Variants in DNTT observed in about 807,000 individuals in gnomAD.
DNTT encodes the protein DNA nucleotidylexotransferase.
DNTT carries 47 observed loss-of-function variants against 60.9 expected under a neutral mutation model. That is an observed-to-expected ratio of 0.77 (90% CI 0.61 to 0.98). The LOEUF is 0.98. Among genes scored for constraint, DNTT ranks in the 50% least tolerant of loss-of-function variants. The pLI is 0.00. For synonymous variants in DNTT, 224 were observed against 221.2 expected, an observed-to-expected ratio of 1.01 and a Z score of -0.11; for missense variants, 665 against 627.5, an observed-to-expected ratio of 1.06 and a Z score of -0.64.
At chr10:96,322,782 C>G in intron 5 of DNTT, 54 bp downstream of exon 5, 1 of 1,431,306 alleles carries the variant, frequency 7.0e-7, no homozygotes, top group Non-Finnish European at 9.6e-7. Context: ...AATCTTATTA[C>G]TTATTCTGGC....
chr10:96,318,372 T>C lies in DNTT; in HGVS notation c.224T>C (p.Val75Ala), dbSNP rs1449190401. 6.2e-7 allele frequency: 1 copy of C among 1,613,334 alleles called. No homozygotes were observed. The highest frequency in any genetic ancestry group is 2.2e-5 in the East Asian group (1 of 44,876). ...TGCAGTGATTCTGTCACCCACATCG[T>C]AGCAGAGAACAACTCGGGTTCGGAT... ...NELSDSVTHI[V>A]AENNSGSDVL... Residue 75 changes from valine (V) to alanine (A), a missense_variant, in exon 2 of 11, where the codon GTA becomes GCA. By Grantham distance (64) the Val-to-Ala change is moderately conservative. Coordinates refer to ENST00000371174, the MANE Select transcript of DNTT (RefSeq NM_004088.4).
intron 6 of DNTT, among the ~76,000 whole-genome samples, chr10:96,325,454 A>G (rs1844928109): frequency 2.0e-5 from 3 of 152,240 alleles, no homozygotes; most frequent in Admixed American, 2.0e-4. Flanking sequence ...TGATGAGTAA[A>G]GACTCTCAAT....
intron 1 of DNTT, among the ~76,000 whole-genome samples, chr10:96,314,401 C>CTTTTTTTT (rs1564870098): frequency 1.0e-4 from 4 of 39,848 alleles, no homozygotes; most frequent in Admixed American, 7.0e-4. Context: ...CTATCTCTTC[C>CTTTTTTTT]CTTTTTTTTT....
rs869059822 is a variant in DNTT, at chr10:96,314,402, C to CTTTTTTT, written c.204-3928_204-3922dup. 1.6e-3 allele frequency among the ~76,000 whole-genome samples: 84 copies of CTTTTTTT among 53,210 alleles called. 19 individuals are homozygous for CTTTTTTT. The highest frequency in any genetic ancestry group is 1.8e-3 in the Non-Finnish European group (45 of 25,330). 34.9% of individuals were successfully genotyped at this position (53,210 alleles called of 152,430 possible). A position where few individuals can be genotyped will look rare whatever the true frequency, so the allele number is the denominator to read the frequency against. On this transcript the variant is annotated intron_variant, in intron 1 of 10. Transcript: ENST00000371174. ...TAACATTTCCAAGGCTATCTCTTCC[C>CTTTTTTT]TTTTTTTTTTTTTTTTTTTTTTTTT... is the stretch of plus-strand genomic sequence containing the variant.
Position 96,320,176 on chromosome 10 carries a change from T to G in DNTT, c.508-442T>G, listed in dbSNP as rs117042919. On this transcript the variant is annotated intron_variant, in intron 3 of 10. Transcript: ENST00000371174. ...GCCCTACCTTAAATAATCCTGGCTCTGGGTCTGTGTGACCTACGACTACAC... is the reference window on the plus strand; with the variant it reads ...GCCCTACCTTAAATAATCCTGGCTCGGGGTCTGTGTGACCTACGACTACAC... Among the ~76,000 whole-genome samples, 627 of 152,304 alleles carry G rather than the reference T, an allele frequency of 4.1e-3. 1 individual carries two copies. Among genetic ancestry groups the G allele is most frequent in the Non-Finnish European group, 5.6e-3 (378 of 68,018 alleles).
At position 96,318,382 on chromosome 10, in the gene DNTT, C is replaced by A; in HGVS notation, c.234C>A (p.Asn78Lys). The change falls in exon 2 of 11, where the codon AAC becomes AAA. Residue 78 changes from asparagine to lysine, a missense_variant. By Grantham distance (94) the Asn-to-Lys change is moderately conservative. Coordinates refer to ENST00000371174, the MANE Select transcript of DNTT (RefSeq NM_004088.4). ...CTGTCACCCACATCGTAGCAGAGAA[C>A]AACTCGGGTTCGGATGTTCTGGAGT... Reference protein sequence around the residue: ...SDSVTHIVAENNSGSDVLEWL... With the variant: ...SDSVTHIVAEKNSGSDVLEWL... 1 of 1,613,400 alleles carries A rather than the reference C, an allele frequency of 6.2e-7. No individual in the cohort carries two copies. Among genetic ancestry groups the A allele is most frequent in the Non-Finnish European group, 8.5e-7 (1 of 1,179,598 alleles).
chr10:96,320,090 T>C (rs1040929851), intron 3 of DNTT, among the ~76,000 whole-genome samples: 2 of 152,232 alleles, frequency 1.3e-5, no homozygotes, highest in Non-Finnish European at 2.9e-5. Context: ...AGCTACTGGA[T>C]ATGCTGAGCA....
chr10:96,332,735 A>C (rs1845022557), intron 9 of DNTT, 139 bp downstream of exon 9: 8 of 1,298,686 alleles, frequency 6.2e-6, no homozygotes, highest in Non-Finnish European at 8.5e-6. Context: ...CCTCTAACTC[A>C]AGGCATCCTG....
Position 96,304,595 on chromosome 10 carries a change from A to G in DNTT, c.98A>G (p.Gln33Arg), listed in dbSNP as rs766868797. 3.1e-6 allele frequency: 5 copies of G among 1,613,888 alleles called. No homozygotes were observed. The Admixed American group carries it at 6.7e-5, about 22-fold the overall frequency. Residue 33 changes from glutamine (Q) to arginine (R), a missense_variant, in exon 1 of 11, where the codon CAA becomes CGA. Gln to Arg is a conservative substitution (Grantham distance 43). Transcript: ENST00000371174. ...MASSPQDIKF[Q>R]DLVVFILEKK... ...TCCTCTCCTCAAGACATCAAATTTC[A>G]AGATTTGGTCGTCTTCATTTTGGAG...
At chr10:96,323,574 T>TG (rs56838373) in intron 5 of DNTT, among the ~76,000 whole-genome samples, 15,433 of 151,976 alleles carry the variant, frequency 0.1, 1,951 homozygotes, top group African/African-American at 0.3. Flanking sequence ...ATGAGGACCA[T>TG]GGGGGGGTTG....
At chr10:96,335,728 A>C (rs1046371217) in intron 9 of DNTT, among the ~76,000 whole-genome samples, 163 bp from the exon 10 acceptor site, 3 of 152,228 alleles carry the variant, frequency 2.0e-5, no homozygotes, top group African/African-American at 7.2e-5. Context: ...TAGTGTGTTC[A>C]TGGGAGCACG....
chr10:96,308,623 C>T (rs544022382), intron 1 of DNTT, among the ~76,000 whole-genome samples: 1 of 152,192 alleles, frequency 6.6e-6, no homozygotes, highest in East Asian at 1.9e-4. Flanking sequence ...GACCACCAAA[C>T]AGGCATTGTG....
chr10:96,329,216 T>C (rs1299292550), intron 8 of DNTT, among the ~76,000 whole-genome samples: 1 of 152,140 alleles, frequency 6.6e-6, no homozygotes, highest in Admixed American at 6.5e-5. Context: ...TGGGATAAAA[T>C]CAGTCTAAGA....
At chr10:96,320,832 G>C in intron 4 of DNTT, 44 bp downstream of exon 4, 1 of 1,605,516 alleles carries the variant, frequency 6.2e-7, no homozygotes, top group South Asian at 1.1e-5. Flanking sequence ...ATAGGTAGGT[G>C]GGAACGGGGG....
In DNTT at chr10:96,328,627, G is replaced by T. The variant is rs1844967242; in HGVS notation, c.1008-98G>T. ...AAAAAAGTCAAGAACCTTCTATGTT[G>T]CAAATCTTAAGCATAGGGCATAGAA... On this transcript the variant is annotated intron_variant, in intron 7 of 10. Coordinates refer to ENST00000371174, the MANE Select transcript of DNTT (RefSeq NM_004088.4). 3 of 1,168,212 alleles carry T rather than the reference G, an allele frequency of 2.6e-6. No homozygotes were observed. The African/African-American group carries it at 4.6e-5, about 18-fold the overall frequency. 72.4% of individuals were successfully genotyped at this position (1,168,212 alleles called of 1,614,324 possible). A position where few individuals can be genotyped will look rare whatever the true frequency, so the allele number is the denominator to read the frequency against.
intron 8 of DNTT, among the ~76,000 whole-genome samples, chr10:96,330,906 A>G (rs897681880): frequency 6.6e-6 from 1 of 152,148 alleles, no homozygotes; most frequent in African/African-American, 2.4e-5. Flanking sequence ...TAAAGAGTAC[A>G]TGGTAACAAA....
At chr10:96,320,046 C>T (rs143055627) in intron 3 of DNTT, among the ~76,000 whole-genome samples, 3 of 152,330 alleles carry the variant, frequency 2.0e-5, no homozygotes, top group Non-Finnish European at 4.4e-5. Flanking sequence ...AGACTTCCAG[C>T]TCCATGTCTG....
chr10:96,319,151 C>G, intron 2 of DNTT, 111 bp from the exon 3 acceptor site: 2 of 1,214,418 alleles, frequency 1.6e-6, no homozygotes, highest in African/African-American at 3.0e-5. Flanking sequence ...AATTTTGAGT[C>G]TCCTATAATT....
chr10:96,338,191 G>A lies in DNTT; in HGVS notation c.1497G>A (p.Leu499=), dbSNP rs748331813. 3.1e-6 allele frequency: 5 copies of A among 1,613,314 alleles called. No individual in the cohort carries two copies. The highest frequency in any genetic ancestry group is 1.1e-5 in the South Asian group (1 of 90,736). The change falls in exon 11 of 11, where the codon TTG becomes TTA. Residue 499 remains leucine, a synonymous_variant. Coordinates refer to ENST00000371174, the MANE Select transcript of DNTT (RefSeq NM_004088.4). ...SEEEIFAHLG[L]DYIEPWERNA ...AAGAAATTTTTGCGCATCTGGGATT[G>A]GATTATATTGAACCGTGGGAAAGAA...
Sources: gnomAD v4.1 joint callset for allele counts (sites outside exome capture counted in the v4.1 genomes callset) on GRCh38, gnomAD v4.1.1 for gene constraint, MANE v1.5 for transcripts, NCBI Gene and HGNC (gene_info 2026-07-23, HGNC 2026-07-21) for gene names.